The following NOS1 variants were observed in gnomAD, a reference collection of about 807,000 sequenced individuals.
NOS1 encodes NOS type I.
Under a neutral mutation model 164.5 loss-of-function variants are expected in NOS1, and 51 were observed. The observed-to-expected ratio is 0.31, with a 90% confidence interval of 0.25 to 0.39. NOS1 has a LOEUF of 0.39. Among genes scored for constraint, NOS1 ranks in the 10% least tolerant of loss-of-function variants. The pLI is 1.00. For missense variants in NOS1, 1,362 were observed against 1,885.6 expected (o/e 0.72, Z 5.14); for synonymous variants, 719 against 745.8 (o/e 0.96, Z 0.59).
intron 16 of NOS1, among the ~76,000 whole-genome samples, chr12:117,256,672 G>T (rs996754274): frequency 5.3e-5 from 8 of 152,116 alleles, no homozygotes; most frequent in Non-Finnish European, 1.0e-4. Flanking sequence ...CTTGCTCCAT[G>T]CTGGAGCAAA....
chr12:117,289,067 T>C (rs41337253), intron 4 of NOS1, among the ~76,000 whole-genome samples: 1,872 of 152,350 alleles, frequency 0.012, 41 homozygotes, highest in African/African-American at 0.043. Context: ...TTCAGGGCAA[T>C]TTGTTACATT....
chr12:117,293,738 C>A (rs1873217604), intron 3 of NOS1, among the ~76,000 whole-genome samples: 1 of 151,678 alleles, frequency 6.6e-6, no homozygotes, highest in South Asian at 2.1e-4. Context: ...TATATTATTA[C>A]TTGTATTACT....
chr12:117,221,741 C>T (rs915292112), intron 26 of NOS1, among the ~76,000 whole-genome samples: 1 of 151,792 alleles, frequency 6.6e-6, no homozygotes, highest in Non-Finnish European at 1.5e-5. Flanking sequence ...TACCCTCCCA[C>T]CTCAAGCTGC....
Position 117,210,492 on chromosome 12 carries a change from A to G in NOS1, c.*4817T>C. 1.0e-6 allele frequency: 1 copy of G among 985,428 alleles called. No individual in the cohort carries two copies. Among genetic ancestry groups the G allele is most frequent in the African/African-American group, 1.7e-5 (1 of 57,322 alleles). 61.0% of individuals were successfully genotyped at this position (985,428 alleles called of 1,614,324 possible). On this transcript the variant is annotated 3_prime_UTR_variant, in exon 29 of 29. Coordinates refer to ENST00000317775, the MANE Select transcript of NOS1 (RefSeq NM_000620.5). ...TGGGTATGTGGGGCAGCGGGTAGGG[A>G]AATATACAAGGAAACATGGCTGGTT...
chr12:117,326,318 G>A (rs959353050), intron 2 of NOS1, among the ~76,000 whole-genome samples: 8 of 150,844 alleles, frequency 5.3e-5, no homozygotes, highest in African/African-American at 1.9e-4. Context: ...CCCGGGAGGC[G>A]GAGGTTGCAG....
At chr12:117,282,643 A>G (rs934079358) in intron 7 of NOS1, among the ~76,000 whole-genome samples, 1 of 152,212 alleles carries the variant, frequency 6.6e-6, no homozygotes, top group African/African-American at 2.4e-5. Flanking sequence ...GGGTGAGTCT[A>G]GAATCCAGGC....
intron 3 of NOS1, among the ~76,000 whole-genome samples, chr12:117,294,896 G>A (rs1295148327): frequency 3.9e-5 from 6 of 152,128 alleles, no homozygotes; most frequent in Non-Finnish European, 8.8e-5. Flanking sequence ...TCATAGCCTT[G>A]TCAACACCTC....
rs1871681647 is a variant in NOS1, at chr12:117,259,041, G to A, written c.2457C>T (p.Pro819=). The stretch of plus-strand genomic sequence containing the variant: ...CTCATCTCACCTCCCCATTCTCAGG[G>A]GGATCTCCATTGCCAAAGGTGCTGG... ...VVTSTFGNGD[P]PENGEKFGCA... Residue 819 remains proline (P), a synonymous_variant, in exon 15 of 29, where the codon CCC becomes CCT. Coordinates refer to ENST00000317775, the MANE Select transcript of NOS1 (RefSeq NM_000620.5). 1.2e-6 allele frequency: 2 copies of A among 1,613,396 alleles called. No homozygotes were observed. The highest frequency in any genetic ancestry group is 1.1e-5 in the South Asian group (1 of 91,048).
chr12:117,353,019 T>A lies in NOS1; in HGVS notation c.-421+8493A>T, dbSNP rs140513661. Among the ~76,000 whole-genome samples, 18 of 152,150 alleles carry A rather than the reference T, an allele frequency of 1.2e-4. No homozygotes were observed. In the East Asian group the frequency reaches 3.5e-3, roughly 29 times the overall value. On this transcript the variant is annotated intron_variant, in intron 1 of 28. Coordinates refer to ENST00000317775, the MANE Select transcript of NOS1 (RefSeq NM_000620.5). ...TCTCTATCAGTCATCTATCTATCCA[T>A]CCATCCATCCATCTATCCATCCATC...
intron 8 of NOS1, among the ~76,000 whole-genome samples, chr12:117,279,007 A>C (rs1389465631): frequency 1.3e-5 from 2 of 151,580 alleles, no homozygotes; most frequent in African/African-American, 4.8e-5. Context: ...AAATATACTT[A>C]TTAATCCAGT....
rs562477605 is a variant in NOS1 at position 117,303,323 on chromosome 12, T to C, written c.852+8143A>G. Among the ~76,000 whole-genome samples, 5 of 152,256 alleles carry C rather than the reference T, an allele frequency of 3.3e-5. No homozygotes were observed. In the South Asian group the frequency reaches 1.0e-3, roughly 32 times the overall value. ...CCACCTTTCTCATAATTTAGAGCTC[T>C]CTAGAGAAGCTGGGGGGTGCTGTCA... On this transcript the variant is annotated intron_variant, in intron 3 of 28. Transcript: ENST00000317775.
chr12:117,259,891 G>A (rs9658427), intron 14 of NOS1, among the ~76,000 whole-genome samples: 26,614 of 151,778 alleles, frequency 0.18, 2,603 homozygotes, highest in Middle Eastern at 0.31. Flanking sequence ...AGGCCGAGGC[G>A]GGCGAATCAA....
chr12:117,232,953 G>C (rs965408846), intron 21 of NOS1, among the ~76,000 whole-genome samples: 2 of 150,754 alleles, frequency 1.3e-5, no homozygotes, highest in Non-Finnish European at 2.9e-5. Context: ...CTGTAGCCTT[G>C]AACTCCCGGG....
intron 27 of NOS1, among the ~76,000 whole-genome samples, chr12:117,219,695 G>T (rs1210718376): frequency 1.3e-5 from 2 of 152,088 alleles, no homozygotes; most frequent in Non-Finnish European, 2.9e-5. Flanking sequence ...TGAGTATATA[G>T]AGGGCTCCAC....
At chr12:117,227,353 A>G in intron 23 of NOS1, 78 bp downstream of exon 23, 1 of 1,337,838 alleles carries the variant, frequency 7.5e-7, no homozygotes, top group Non-Finnish European at 1.1e-6. Context: ...TAGCCTGCAG[A>G]CGGTGGTTTA....
chr12:117,360,876 A>G (rs1013047466), intron 1 of NOS1, among the ~76,000 whole-genome samples: 1 of 152,096 alleles, frequency 6.6e-6, no homozygotes, highest in Non-Finnish European at 1.5e-5. Context: ...CATTACCGCC[A>G]GCGCACAGCT....
At chr12:117,280,316 T>A (rs1299150928) in intron 8 of NOS1, among the ~76,000 whole-genome samples, 1 of 152,210 alleles carries the variant, frequency 6.6e-6, no homozygotes, top group African/African-American at 2.4e-5. Flanking sequence ...ACTGACATTA[T>A]CTCGTAACTC....
chr12:117,265,636 A>G, intron 11 of NOS1, 126 bp from the exon 12 acceptor site: 1 of 572,582 alleles, frequency 1.7e-6, no homozygotes, highest in Non-Finnish European at 2.8e-6. Context: ...GCGTGAAGTG[A>G]GATGGTGATT....
Position 117,336,264 on chromosome 12 carries a change from G to A in NOS1, c.-420-4775C>T, listed in dbSNP as rs143186106. Among the ~76,000 whole-genome samples, 697 of 152,286 alleles carry A rather than the reference G, an allele frequency of 4.6e-3. 7 individuals are homozygous for A. Among genetic ancestry groups the A allele is most frequent in the African/African-American group, 0.016 (660 of 41,576 alleles). On this transcript the variant is annotated intron_variant, in intron 1 of 28. Transcript: ENST00000317775. ...GAAGCCTGCTTGTCCTGGTTTACCC[G>A]TGCTTTCCATTTTTAGCATTGAAAG...
Sources: gnomAD v4.1 joint callset for allele counts (sites outside exome capture counted in the v4.1 genomes callset) on GRCh38, gnomAD v4.1.1 for gene constraint, MANE v1.5 for transcripts, NCBI Gene and HGNC (gene_info 2026-07-23, HGNC 2026-07-21) for gene names.